The following GOLGA7B variants were observed in gnomAD, a reference collection of about 807,000 sequenced individuals.
The protein encoded by GOLGA7B is golgin A7 family member B.
In GOLGA7B, 17 loss-of-function variants were observed where a neutral mutation model predicts 21.5. That is an observed-to-expected ratio of 0.79 (90% CI 0.54 to 1.19). The LOEUF is 1.19. Among genes scored for constraint, GOLGA7B ranks in the 50% most tolerant of loss-of-function variants. GOLGA7B has a pLI of 0.00. For synonymous variants in GOLGA7B, 87 were observed against 84.0 expected (o/e 1.04, Z -0.19); for missense variants, 169 against 224.4 (o/e 0.75, Z 1.58).
chr10:97,857,315 C>T (rs980393256), intron 1 of GOLGA7B, among the ~76,000 whole-genome samples: 1 of 151,230 alleles, frequency 6.6e-6, no homozygotes, highest in African/African-American at 2.4e-5. Context: ...TTCCCAGCAC[C>T]ATTCATTGAA....
At chr10:97,852,849 T>G (rs1269206289) in intron 1 of GOLGA7B, among the ~76,000 whole-genome samples, 1 of 152,066 alleles carries the variant, frequency 6.6e-6, no homozygotes, top group Non-Finnish European at 1.5e-5. Context: ...AGAGGAGGGA[T>G]GGAGCCTCCT....
At chr10:97,856,488 T>C (rs1218756395) in intron 1 of GOLGA7B, among the ~76,000 whole-genome samples, 1 of 152,150 alleles carries the variant, frequency 6.6e-6, no homozygotes, top group African/African-American at 2.4e-5. Context: ...GTGTTGATGG[T>C]TGTTACTCTG....
chr10:97,859,564 C>T lies in GOLGA7B; in HGVS notation c.119C>T (p.Pro40Leu). Reference protein sequence around the residue: ...GTICQFQTKFPPELDSRIERQ... With the variant: ...GTICQFQTKFLPELDSRIERQ... ...ATCTGTCAGTTCCAGACCAAATTCC[C>T]CCCAGAGCTGGACAGCCGGGTAAGG... Residue 40 changes from proline to leucine, a missense_variant, in exon 2 of 5, where the codon CCC (proline) becomes CTC (leucine). By Grantham distance (98) the Pro-to-Leu change is moderately conservative. Coordinates refer to ENST00000370602, the MANE Select transcript of GOLGA7B (RefSeq NM_001010917.3). 6.2e-7 allele frequency: 1 copy of T among 1,614,134 alleles called. No homozygotes were observed. Among genetic ancestry groups the T allele is most frequent in the Non-Finnish European group, 8.5e-7 (1 of 1,180,006 alleles).
chr10:97,861,552 C>T (rs1015409312), intron 2 of GOLGA7B, among the ~76,000 whole-genome samples: 9 of 152,228 alleles, frequency 5.9e-5, no homozygotes, highest in African/African-American at 1.7e-4. Flanking sequence ...GACTCATGGA[C>T]CTCAGGCTGC....
intron 1 of GOLGA7B, among the ~76,000 whole-genome samples, chr10:97,854,172 T>C (rs535444152): frequency 2.5e-4 from 38 of 152,334 alleles, no homozygotes; most frequent in African/African-American, 8.7e-4. Context: ...GGCCCACTTA[T>C]TGCTCAGCCC....
At chr10:97,863,064 G>A (rs1365832404) in intron 2 of GOLGA7B, among the ~76,000 whole-genome samples, 2 of 152,206 alleles carry the variant, frequency 1.3e-5, no homozygotes, top group African/African-American at 4.8e-5. Flanking sequence ...GAGATGGGAA[G>A]ATTGTGGGAG....
chr10:97,856,137 A>C (rs1486204355), intron 1 of GOLGA7B, among the ~76,000 whole-genome samples: 3 of 152,146 alleles, frequency 2.0e-5, no homozygotes, highest in Non-Finnish European at 4.4e-5. Context: ...ACATGGGTAT[A>C]TTGCATATTG....
intron 1 of GOLGA7B, 30 bp downstream of exon 1, chr10:97,850,345 T>G (rs2049897258): frequency 6.6e-7 from 1 of 1,508,340 alleles, no homozygotes; most frequent in Non-Finnish European, 8.9e-7. Flanking sequence ...CCGCAGGCAG[T>G]GCCCGATTGC....
chr10:97,864,504 A>G (rs1442483791), intron 4 of GOLGA7B, among the ~76,000 whole-genome samples: 2 of 152,222 alleles, frequency 1.3e-5, no homozygotes, highest in Non-Finnish European at 2.9e-5. Context: ...TATGCCAGCT[A>G]TCATGTGAAG....
At chr10:97,861,514 C>T (rs1421420254) in intron 2 of GOLGA7B, among the ~76,000 whole-genome samples, 1 of 152,254 alleles carries the variant, frequency 6.6e-6, no homozygotes, top group African/African-American at 2.4e-5. Flanking sequence ...TGCCTACAGC[C>T]TCTGCCTCTA....
chr10:97,864,266 G>A lies in GOLGA7B; in HGVS notation c.390G>A (p.Arg130=), dbSNP rs1340669774. ...LLTDPVERGM[R]VIEISIYEDR... ...CAGACCCTGTGGAGCGTGGGATGAG[G>A]GTTGTATCCTTCTGGGCTATTCTGT... The change falls in exon 4 of 5, where the codon AGG becomes AGA. Residue 130 remains arginine (R), a synonymous_variant. Coordinates refer to ENST00000370602, the MANE Select transcript of GOLGA7B (RefSeq NM_001010917.3). 5 of 1,612,844 alleles carry A rather than the reference G, an allele frequency of 3.1e-6. No individual in the cohort carries two copies. Among genetic ancestry groups the A allele is most frequent in the African/African-American group, 2.7e-5 (2 of 75,026 alleles).
At chr10:97,863,841 T>C in intron 2 of GOLGA7B, 89 bp from the exon 3 acceptor site, 1 of 1,380,498 alleles carries the variant, frequency 7.2e-7, no homozygotes, top group Non-Finnish European at 9.9e-7. Context: ...CCCATCTACA[T>C]GGCCCCACCA....
chr10:97,853,279 G>A (rs1247984758), intron 1 of GOLGA7B, among the ~76,000 whole-genome samples: 1 of 152,142 alleles, frequency 6.6e-6, no homozygotes, highest in Non-Finnish European at 1.5e-5. Context: ...TGGCATCAGC[G>A]GAACCTCCTA....
At chr10:97,853,695 C>T (rs1417003) in intron 1 of GOLGA7B, among the ~76,000 whole-genome samples, 2,440 of 152,214 alleles carry the variant, frequency 0.016, 63 homozygotes, top group African/African-American at 0.056. Flanking sequence ...AGTTAAGAAC[C>T]CCCTGGGAGA....
At chr10:97,861,774 G>A (rs1279355228) in intron 2 of GOLGA7B, among the ~76,000 whole-genome samples, 1 of 152,246 alleles carries the variant, frequency 6.6e-6, no homozygotes, top group African/African-American at 2.4e-5. Context: ...CGGAGAGAAT[G>A]TGGGCCTCTT....
At chr10:97,859,699 G>A in intron 2 of GOLGA7B, 116 bp downstream of exon 2, 3 of 1,041,424 alleles carry the variant, frequency 2.9e-6, no homozygotes, top group Middle Eastern at 2.3e-4. Flanking sequence ...CACGTAACAT[G>A]TTTGGCCACT....
In GOLGA7B at chr10:97,850,173, C is replaced by G; in HGVS notation, c.-131C>G. 5.7e-6 allele frequency: 2 copies of G among 353,748 alleles called. No individual in the cohort carries two copies. Among genetic ancestry groups the G allele is most frequent in the Non-Finnish European group, 9.5e-6 (2 of 211,378 alleles). 21.9% of individuals were successfully genotyped at this position (353,748 alleles called of 1,614,324 possible). ...CACCTGAGCCCGGGCCCGCGGCGCC[C>G]GCATCAGCACTGCGGACAGCGCCCC... is the stretch of plus-strand genomic sequence containing the variant. On this transcript the variant is annotated 5_prime_UTR_variant, in exon 1 of 5. Transcript: ENST00000370602.
At chr10:97,862,092 G>A (rs1327724444) in intron 2 of GOLGA7B, among the ~76,000 whole-genome samples, 1 of 152,216 alleles carries the variant, frequency 6.6e-6, no homozygotes, top group African/African-American at 2.4e-5. Context: ...TGCTGAGTTT[G>A]GAATGTGACC....
chr10:97,870,774 C>T lies in GOLGA7B; in HGVS notation c.*5074C>T, dbSNP rs891841633. ...TGTGTGTGAAAATGTAATGTCTGCT[C>T]TGCTGTGGGTGGGCCCTCTAAAAGG... On this transcript the variant is annotated 3_prime_UTR_variant, in exon 5 of 5. Coordinates refer to ENST00000370602, the MANE Select transcript of GOLGA7B (RefSeq NM_001010917.3). 2.6e-5 allele frequency: 4 copies of T among 152,028 alleles called. No homozygotes were observed. Among genetic ancestry groups the T allele is most frequent in the Non-Finnish European group, 5.9e-5 (4 of 68,018 alleles). 9.4% of individuals were successfully genotyped at this position (152,028 alleles called of 1,614,324 possible). A position where few individuals can be genotyped will look rare whatever the true frequency, so the allele number is the denominator to read the frequency against.
Sources: gnomAD v4.1 joint callset for allele counts (sites outside exome capture counted in the v4.1 genomes callset) on GRCh38, gnomAD v4.1.1 for gene constraint, MANE v1.5 for transcripts, NCBI Gene and HGNC (gene_info 2026-07-23, HGNC 2026-07-21) for gene names.